URGCP: variants seen among roughly 807,000 people sequenced by gnomAD.
URGCP encodes upregulator of cell proliferation.
A neutral mutation model predicts 24.6 loss-of-function variants in URGCP; 13 were observed. The ratio of observed to expected loss-of-function variants is 0.53; its 90% CI spans 0.34 to 0.84. The LOEUF is 0.84. Among genes scored for constraint, URGCP ranks in the 40% least tolerant of loss-of-function variants. The pLI is 0.01. For synonymous variants in URGCP, 444 were observed against 487.2 expected (o/e 0.91, Z 1.17); for missense variants, 899 against 1,194.3 (o/e 0.75, Z 3.64).
Position 43,887,554 on chromosome 7 carries a change from G to C in URGCP, c.42-69C>G, listed in dbSNP as rs1033938014. The C allele has an allele frequency of 1.8e-5, 29 of 1,569,516 alleles. No homozygotes were observed. The East Asian group carries it at 6.8e-4, about 37-fold the overall frequency. On this transcript the variant is annotated intron_variant, in intron 2 of 5. Transcript: ENST00000453200. ...ACCACTTTCACCTATCAAACTGGCC[G>C]CATATAAAATCTCTTGGAGAGCTTT...
At chr7:43,918,012 G>T (rs1389723408) in intron 1 of URGCP, among the ~76,000 whole-genome samples, 1 of 151,976 alleles carries the variant, frequency 6.6e-6, no homozygotes, top group African/African-American at 2.4e-5. Flanking sequence ...AGTGGTTCAC[G>T]CCTGTAATCC....
upstream of URGCP, among the ~76,000 whole-genome samples, chr7:43,909,976 G>C (rs925789114): frequency 2.3e-4 from 35 of 152,350 alleles, 2 homozygotes; most frequent in Admixed American, 1.2e-3. Flanking sequence ...CCGGGAGGCA[G>C]AGGTTGTGGT....
chr7:43,924,969 G>A (rs931563563), intron 1 of URGCP, among the ~76,000 whole-genome samples: 1 of 152,104 alleles, frequency 6.6e-6, no homozygotes, highest in Admixed American at 6.5e-5. Context: ...ATGTTGCCCA[G>A]GATGGTCTAG....
intron 1 of URGCP, among the ~76,000 whole-genome samples, chr7:43,918,448 T>C (rs2095917861): frequency 6.6e-6 from 1 of 151,792 alleles, no homozygotes; most frequent in African/African-American, 2.4e-5. Flanking sequence ...TTCCAGCTAA[T>C]TTTTGTATTT....
At chr7:43,892,798 C>T (rs1002613185) in intron 1 of URGCP, among the ~76,000 whole-genome samples, 5 of 151,794 alleles carry the variant, frequency 3.3e-5, no homozygotes, top group Non-Finnish European at 5.9e-5. Flanking sequence ...AGAGAGTGAC[C>T]ACATGTTTAA....
At chr7:43,926,694 C>A, upstream of URGCP, 1 of 914,402 alleles carries the variant, frequency 1.1e-6, no homozygotes, top group Non-Finnish European at 1.5e-6. Context: ...GGCAGAACAG[C>A]CTCCCGCGCA....
rs774012630 is a variant in URGCP, at chr7:43,877,721, C to T, written c.1742G>A (p.Arg581Gln). The change falls in exon 6 of 6, where the codon CGA (arginine) becomes CAA (glutamine). Residue 581 changes from arginine (R) to glutamine (Q), a missense_variant. Physicochemically the swap from Arg to Gln is conservative, Grantham distance 43. Coordinates refer to ENST00000453200, the MANE Select transcript of URGCP (RefSeq NM_001077663.3). ...EWGLARVAQP[R>Q]LRQPPETLLT... ...AAGCGTCTCCGGAGGCTGTCTCAGT[C>T]GCGGCTGGGCCACCCGTGCCAGGCC... 2.0e-5 allele frequency: 33 copies of T among 1,611,452 alleles called. No individual in the cohort carries two copies. The highest frequency in any genetic ancestry group is 6.7e-5 in the East Asian group (3 of 44,878).
chr7:43,877,908 C>T lies in URGCP; in HGVS notation c.1555G>A (p.Asp519Asn). 6.2e-7 allele frequency: 1 copy of T among 1,614,024 alleles called. No homozygotes were observed. The highest frequency in any genetic ancestry group is 8.5e-7 in the Non-Finnish European group (1 of 1,180,008). The part of the protein sequence containing the change: ...KEFCQLQWAV[D>N]PPEKHRAELR... The stretch of plus-strand genomic sequence containing the variant: ...TCAGCCCTGTGCTTCTCAGGGGGGT[C>T]CACGGCCCACTGGAGCTGGCAGAAC... The change falls in exon 6 of 6, where the codon GAC becomes AAC. Residue 519 changes from aspartate (D) to asparagine (N), a missense_variant. By Grantham distance (23) the Asp-to-Asn change is conservative. Coordinates refer to ENST00000453200, the MANE Select transcript of URGCP (RefSeq NM_001077663.3).
chr7:43,913,113 A>C (rs2095911863), intron 1 of URGCP, among the ~76,000 whole-genome samples: 1 of 152,222 alleles, frequency 6.6e-6, no homozygotes, highest in African/African-American at 2.4e-5. Context: ...GGCCTCCCTA[A>C]GTGCTGGGAT....
Position 43,878,666 on chromosome 7 carries a change from A to G in URGCP, c.797T>C (p.Val266Ala). ...VLSRAPAFAFVRMDVSSNSKS... is the reference protein window; with the variant it reads ...VLSRAPAFAFARMDVSSNSKS... ...GGAGTTGCTACTGACGTCCATGCGC[A>G]CGAAGGCGAAGGCGGGCGCCCTGGA... is the stretch of plus-strand genomic sequence containing the variant. The change falls in exon 6 of 6, where the codon GTG (valine) becomes GCG (alanine). Residue 266 changes from valine to alanine, a missense_variant. By Grantham distance (64) the Val-to-Ala change is moderately conservative. Coordinates refer to ENST00000453200, the MANE Select transcript of URGCP (RefSeq NM_001077663.3). This position sits in a 1 kb window ranked among gnomAD's most constrained non-coding sequence, Gnocchi z 5.6. 1.2e-6 allele frequency: 2 copies of G among 1,613,534 alleles called. No individual in the cohort carries two copies. Among genetic ancestry groups the G allele is most frequent in the East Asian group, 2.2e-5 (1 of 44,880 alleles).
In URGCP at chr7:43,919,906, C is replaced by A; in HGVS notation, c.-116+6226G>T. On this transcript the variant is annotated intron_variant, in intron 1 of 5. Transcript: ENST00000426198. The stretch of plus-strand genomic sequence containing the variant: ...TATGACAAGCTGCGGAAGTGGGAGG[C>A]CTTCCTGGAGCCGTTCCGCAAGGAG... The A allele has an allele frequency of 2.3e-6, 3 of 1,308,796 alleles. No individual in the cohort carries two copies. In the Admixed American group the frequency reaches 5.0e-5, roughly 22 times the overall value. 81.1% of individuals were successfully genotyped at this position (1,308,796 alleles called of 1,614,324 possible).
intron 1 of URGCP, among the ~76,000 whole-genome samples, chr7:43,900,017 C>T (rs577463467): frequency 1.2e-4 from 19 of 152,076 alleles, no homozygotes; most frequent in Admixed American, 3.3e-4. Flanking sequence ...TGGTGGCATG[C>T]GCCTGTAGTC....
chr7:43,916,808 A>G (rs1208193959), intron 1 of URGCP, among the ~76,000 whole-genome samples: 1 of 150,364 alleles, frequency 6.7e-6, no homozygotes, highest in Admixed American at 6.7e-5. Flanking sequence ...AGGACAAAAG[A>G]AAGAGGGACG....
chr7:43,926,491 C>A, upstream of URGCP: 1 of 1,472,070 alleles, frequency 6.8e-7, no homozygotes, highest in Non-Finnish European at 9.0e-7. Flanking sequence ...CCGCCTCAGG[C>A]AGCCCCGGCC....
Position 43,919,870 on chromosome 7 carries a change from CCTGTCGCCAAT to C in URGCP, c.-116+6251_-116+6261del, listed in dbSNP as rs1304998162. ...AGCATCTCCTCACTCTTCTAGAGAA[CCTGTCGCCAAT>C]ATGACAAGCTGCGGAAGTGGGAGGC... On this transcript the variant is annotated intron_variant, in intron 1 of 5. Coordinates refer to the URGCP transcript ENST00000426198. The C allele has an allele frequency of 8.5e-6, 11 of 1,295,538 alleles. No homozygotes were observed. In the African/African-American group the frequency reaches 1.6e-4, roughly 19 times the overall value. The allele number at this position is 1,295,538 out of a possible 1,614,324, so 80.3% of individuals were successfully genotyped here. A position where few individuals can be genotyped will look rare whatever the true frequency, so the allele number is the denominator to read the frequency against.
chr7:43,879,350 G>A, intron 5 of URGCP, 90 bp from the exon 6 acceptor site: 2 of 1,455,324 alleles, frequency 1.4e-6, no homozygotes, highest in South Asian at 1.4e-5. Context: ...CCAGCAGGAT[G>A]GGGAGAGTGA....
rs1302919167 is a variant in URGCP at position 43,920,517 on chromosome 7, C to T, written c.-116+5615G>A. On this transcript the variant is annotated intron_variant, in intron 1 of 5. Coordinates refer to the URGCP transcript ENST00000426198. ...GGCGGAGGTTGCAGTGAGCCAAGAT[C>T]GCACCATTGCACAACGGCCTGGGCA... is the stretch of plus-strand genomic sequence containing the variant. Among the ~76,000 whole-genome samples, 12 of 152,186 alleles carry T rather than the reference C, an allele frequency of 7.9e-5. No homozygotes were observed. In the East Asian group the frequency reaches 1.3e-3, roughly 17 times the overall value.
chr7:43,877,238 T>C lies in URGCP; in HGVS notation c.2225A>G (p.Asp742Gly), dbSNP rs1251347242. ...LITVAEGFSQ[D>G]LGCDHILVID... ...CACCAGGATGTGGTCACAGCCCAGG[T>C]CCTGGCTGAAGCCCTCAGCCACTGT... The change falls in exon 6 of 6, where the codon GAC (aspartate) becomes GGC (glycine). Residue 742 changes from aspartate (D) to glycine (G), a missense_variant. Physicochemically the swap from Asp to Gly is moderately conservative, Grantham distance 94 (BLOSUM62 -1). Coordinates refer to ENST00000453200, the MANE Select transcript of URGCP (RefSeq NM_001077663.3). The C allele has an allele frequency of 1.2e-6, 2 of 1,613,928 alleles. No homozygotes were observed. The highest frequency in any genetic ancestry group is 8.5e-7 in the Non-Finnish European group (1 of 1,179,998).
At position 43,923,281 on chromosome 7, in the gene URGCP, C is replaced by CTTT. The variant is rs374239475; in HGVS notation, c.-116+2848_-116+2850dup. Among the ~76,000 whole-genome samples, 14 of 134,788 alleles carry CTTT rather than the reference C, an allele frequency of 1.0e-4. No homozygotes were observed. In the East Asian group the frequency reaches 1.7e-3, roughly 16 times the overall value. The allele number at this position is 134,788 out of a possible 152,430, so 88.4% of individuals were successfully genotyped here. ...ACAGGTGTGAGCCACTGTGCCCAGC[C>CTTT]TTTTTTTTTTTTTTTTTCCCAAAGA... On this transcript the variant is annotated intron_variant, in intron 1 of 5. Coordinates refer to the URGCP transcript ENST00000426198.
Sources: allele counts gnomAD v4.1 joint callset (sites outside exome capture counted in the v4.1 genomes callset), GRCh38; gene constraint gnomAD v4.1.1; non-coding constraint Gnocchi (gnomAD v3.1); transcripts MANE v1.5; gene names NCBI Gene and HGNC (gene_info 2026-07-23, HGNC 2026-07-21).